BCKDHB: variants seen among roughly 807,000 people sequenced by gnomAD.
BCKDHB encodes branched chain keto acid dehydrogenase E1 subunit beta, also known as 2-oxoisovalerate dehydrogenase subunit beta, mitochondrial.
Under a neutral mutation model 48.5 loss-of-function variants are expected in BCKDHB, and 41 were observed. That is an observed-to-expected ratio of 0.85 (90% CI 0.66 to 1.10). The LOEUF (loss-of-function observed/expected upper bound fraction) is 1.10. BCKDHB is among the 50% of genes least tolerant of loss of function. The pLI is 0.00. For synonymous variants in BCKDHB, 201 were observed against 174.8 expected, an observed-to-expected ratio of 1.15 and a Z score of -1.18; for missense variants, 496 against 494.2, an observed-to-expected ratio of 1.00 and a Z score of -0.03.
intron 8 of BCKDHB, among the ~76,000 whole-genome samples, chr6:80,223,118 T>C (rs1317684575): frequency 6.6e-6 from 1 of 152,222 alleles, no homozygotes; most frequent in Non-Finnish European, 1.5e-5. Flanking sequence ...GCCATTCATA[T>C]TCATTTAATA....
intron 9 of BCKDHB, among the ~76,000 whole-genome samples, chr6:80,335,299 A>G (rs1333963038): frequency 6.6e-6 from 1 of 151,624 alleles, no homozygotes; most frequent in African/African-American, 2.4e-5. Flanking sequence ...TTTCAGGAGT[A>G]TTTTACATTT....
chr6:80,438,913 A>G, the BCKDHB span, among the ~76,000 whole-genome samples: 1 of 152,328 alleles, frequency 6.6e-6, no homozygotes, highest in South Asian at 2.1e-4. Context: ...TGGGTGGGAC[A>G]GATCAGCTAT....
intron 9 of BCKDHB, among the ~76,000 whole-genome samples, chr6:80,339,430 ATTTGT>A (rs1769780963): frequency 6.6e-6 from 1 of 152,138 alleles, no homozygotes; most frequent in South Asian, 2.1e-4. Flanking sequence ...AAAAAGGTAA[ATTTGT>A]TTTGTTTTGT....
intron 3 of BCKDHB, among the ~76,000 whole-genome samples, chr6:80,158,132 G>C (rs961218964): frequency 6.6e-6 from 1 of 152,162 alleles, no homozygotes; most frequent in Non-Finnish European, 1.5e-5. Flanking sequence ...TTTTAATCCA[G>C]TCACTGAACC....
chr6:80,438,066 C>T, the BCKDHB span, among the ~76,000 whole-genome samples: 58,447 of 152,030 alleles, frequency 0.38, 14,008 homozygotes, highest in Non-Finnish European at 0.54. Context: ...TCTGGGTCAA[C>T]ATCTGGCTTC....
chr6:80,293,395 G>A (rs1364659157), intron 9 of BCKDHB, among the ~76,000 whole-genome samples: 1 of 152,182 alleles, frequency 6.6e-6, no homozygotes, highest in Non-Finnish European at 1.5e-5. Context: ...ACCCTCTAAA[G>A]CCACAGCCCA....
At chr6:80,171,485 T>C (rs1368790426) in intron 6 of BCKDHB, 95 bp downstream of exon 6, 2 of 717,798 alleles carry the variant, frequency 2.8e-6, no homozygotes, top group Admixed American at 3.2e-5. Context: ...ATATGGTTGA[T>C]TTATATTTTC....
At chr6:80,185,462 A>G (rs1265734268) in intron 6 of BCKDHB, among the ~76,000 whole-genome samples, 1 of 151,812 alleles carries the variant, frequency 6.6e-6, no homozygotes, top group Non-Finnish European at 1.5e-5. Flanking sequence ...ATTGTTGGAG[A>G]GCGAGTGTGA....
chr6:80,420,310 A>AGCC, the BCKDHB span, among the ~76,000 whole-genome samples: 1 of 152,214 alleles, frequency 6.6e-6, no homozygotes, highest in Non-Finnish European at 1.5e-5. Flanking sequence ...CTTTGGGAGA[A>AGCC]AAAGGCCTTC....
the BCKDHB span, among the ~76,000 whole-genome samples, chr6:80,423,612 A>T: frequency 1.3e-5 from 2 of 152,128 alleles, no homozygotes; most frequent in African/African-American, 4.8e-5. Flanking sequence ...TTTAATCTCC[A>T]CATCTCTTGA....
chr6:80,205,776 C>G (rs999879698), intron 8 of BCKDHB, among the ~76,000 whole-genome samples: 3 of 147,372 alleles, frequency 2.0e-5, no homozygotes, highest in South Asian at 2.2e-4. Flanking sequence ...AGACAGAGAC[C>G]TACCCTGTGC....
chr6:80,421,901 G>A, the BCKDHB span, among the ~76,000 whole-genome samples: 9 of 152,292 alleles, frequency 5.9e-5, no homozygotes, highest in East Asian at 9.6e-4. Flanking sequence ...AATCTGCAGC[G>A]TGACCATGAG....
chr6:80,353,258 A>G, the BCKDHB span, among the ~76,000 whole-genome samples: 2 of 152,182 alleles, frequency 1.3e-5, no homozygotes, highest in Non-Finnish European at 2.9e-5. Flanking sequence ...TAATCACTAA[A>G]TAGTATTTCA....
chr6:80,330,034 A>G (rs1769241720), intron 9 of BCKDHB, among the ~76,000 whole-genome samples: 1 of 152,166 alleles, frequency 6.6e-6, no homozygotes, highest in African/African-American at 2.4e-5. Flanking sequence ...TGACTTTGAA[A>G]AGTAGAATGT....
At chr6:80,423,402 T>C in the BCKDHB span, among the ~76,000 whole-genome samples, 4 of 152,228 alleles carry the variant, frequency 2.6e-5, no homozygotes, top group African/African-American at 7.2e-5. Context: ...TAGTCTGTGA[T>C]TGGTTGAGAA....
intron 6 of BCKDHB, among the ~76,000 whole-genome samples, chr6:80,186,650 T>C (rs542177939): frequency 1.3e-5 from 2 of 152,338 alleles, no homozygotes; most frequent in African/African-American, 2.4e-5. Flanking sequence ...GAACGTATTA[T>C]GAAGTTCAGC....
chr6:80,253,960 A>G (rs664145), intron 8 of BCKDHB, among the ~76,000 whole-genome samples: 6 of 151,938 alleles, frequency 3.9e-5, no homozygotes, highest in Non-Finnish European at 8.8e-5. Context: ...TAATTAAGCA[A>G]CATTTCATAA....
the BCKDHB span, among the ~76,000 whole-genome samples, chr6:80,409,851 C>T: frequency 2.6e-5 from 4 of 151,622 alleles, no homozygotes; most frequent in African/African-American, 7.3e-5. Flanking sequence ...GAATACAGCA[C>T]TCTGATGGTT....
intron 8 of BCKDHB, among the ~76,000 whole-genome samples, chr6:80,225,142 C>T (rs548374507): frequency 1.3e-5 from 2 of 152,296 alleles, no homozygotes; most frequent in East Asian, 3.9e-4. Flanking sequence ...TTATTTAAAT[C>T]TCCTGGTTTG....
Sources: allele counts gnomAD v4.1 joint callset (sites outside exome capture counted in the v4.1 genomes callset), GRCh38; gene constraint gnomAD v4.1.1; transcripts MANE v1.5; gene names NCBI Gene and HGNC (gene_info 2026-07-23, HGNC 2026-07-21).